Variants in DLG2 observed in about 807,000 individuals in gnomAD.
DLG2 encodes discs large MAGUK scaffold protein 2.
A neutral mutation model predicts 132.5 loss-of-function variants in DLG2; 45 were observed. The ratio of observed to expected loss-of-function variants is 0.34; its 90% CI spans 0.27 to 0.44. The LOEUF is 0.44. DLG2 is among the 20% of genes least tolerant of loss of function. The pLI, the probability that DLG2 is intolerant of heterozygous loss-of-function variation, is 1.00. For synonymous variants in DLG2, 424 were observed against 419.6 expected (o/e 1.01, Z -0.13); for missense variants, 1,045 against 1,196.9 (o/e 0.87, Z 1.87).
chr11:85,550,754 T>A (rs765847967), intron 3 of DLG2, among the ~76,000 whole-genome samples: 1 of 152,258 alleles, frequency 6.6e-6, no homozygotes, highest in African/African-American at 2.4e-5. Context: ...CTGCACTATA[T>A]GAGACTTTCT....
At chr11:84,617,181 G>T (rs1043307140) in intron 6 of DLG2, among the ~76,000 whole-genome samples, 1 of 147,574 alleles carries the variant, frequency 6.8e-6, no homozygotes, top group African/African-American at 2.5e-5. Context: ...TCCCCTCCCT[G>T]TGTCCATGTG....
chr11:84,042,948 T>C (rs2096131166), intron 11 of DLG2, among the ~76,000 whole-genome samples: 1 of 151,744 alleles, frequency 6.6e-6, no homozygotes, highest in African/African-American at 2.4e-5. Context: ...TTTAAAAGTG[T>C]ATTCTTAAGA....
intron 4 of DLG2, among the ~76,000 whole-genome samples, chr11:85,229,144 G>T (rs118120658): frequency 0.028 from 4,212 of 150,952 alleles, 88 homozygotes; most frequent in Non-Finnish European, 0.041. Context: ...TTCTGCTTTT[G>T]TTTTCATATG....
Position 83,958,571 on chromosome 11 carries a change from C to A in DLG2, c.1340+4314G>T, listed in dbSNP as rs1022020612. Among the ~76,000 whole-genome samples the A allele has an allele frequency of 2.0e-4, 31 of 152,050 alleles. 1 individual carries two copies. Among genetic ancestry groups the A allele is most frequent in the African/African-American group, 7.2e-4 (30 of 41,404 alleles). On this transcript the variant is annotated intron_variant, in intron 14 of 27. Transcript: ENST00000376104. ...ACATTCATAACTTGGGAAATTAGGTCCCTACATCTTGAAAGAGTAGTTTTA... is the reference window on the plus strand; with the variant it reads ...ACATTCATAACTTGGGAAATTAGGTACCTACATCTTGAAAGAGTAGTTTTA...
chr11:84,107,009 T>TAAA (rs1566528943), intron 9 of DLG2, among the ~76,000 whole-genome samples: 1 of 29,112 alleles, frequency 3.4e-5, no homozygotes, highest in African/African-American at 7.8e-5. Context: ...TGTGTGTGTG[T>TAAA]GTGTGAGAGA....
intron 15 of DLG2, among the ~76,000 whole-genome samples, chr11:83,912,757 C>G (rs933348789): frequency 1.3e-5 from 2 of 152,076 alleles, no homozygotes; most frequent in Admixed American, 1.3e-4. Flanking sequence ...TTCTTCTTTT[C>G]TTTCTTTTTG....
chr11:83,498,944 T>G (rs2094303814), intron 21 of DLG2, among the ~76,000 whole-genome samples: 1 of 152,002 alleles, frequency 6.6e-6, no homozygotes, highest in Non-Finnish European at 1.5e-5. Context: ...GCCAGTAAAT[T>G]AGCTAACTTA....
At chr11:84,246,210 AT>A in intron 8 of DLG2, among the ~76,000 whole-genome samples, 1 of 152,348 alleles carries the variant, frequency 6.6e-6, no homozygotes, top group Non-Finnish European at 1.5e-5. Flanking sequence ...TAAATGGAGA[AT>A]TCCAGAAATA....
chr11:83,838,592 C>T (rs1247421477), intron 16 of DLG2, among the ~76,000 whole-genome samples: 1 of 152,048 alleles, frequency 6.6e-6, no homozygotes, highest in Non-Finnish European at 1.5e-5. Flanking sequence ...AATTAGCTGC[C>T]CAAGTTTAAA....
intron 3 of DLG2, among the ~76,000 whole-genome samples, chr11:85,574,578 G>T (rs1039193010): frequency 6.6e-6 from 1 of 152,154 alleles, no homozygotes; most frequent in Admixed American, 6.6e-5. Context: ...GGGAGGTAGG[G>T]CCTAGTGGAA....
chr11:84,080,229 G>C (rs547901353), intron 10 of DLG2, among the ~76,000 whole-genome samples: 14 of 152,280 alleles, frequency 9.2e-5, no homozygotes, highest in Non-Finnish European at 1.8e-4. Flanking sequence ...AAAATATTCT[G>C]TGTCAGTTTA....
chr11:83,521,612 T>C (rs1053092771), intron 21 of DLG2, among the ~76,000 whole-genome samples: 3 of 152,188 alleles, frequency 2.0e-5, no homozygotes, highest in African/African-American at 7.2e-5. Context: ...TAATTTCCGG[T>C]CTGGACTCTG....
At chr11:84,047,563 A>G (rs2096266804) in intron 11 of DLG2, among the ~76,000 whole-genome samples, 1 of 151,596 alleles carries the variant, frequency 6.6e-6, no homozygotes, top group East Asian at 1.9e-4. Flanking sequence ...ACAGCTTTTC[A>G]CAGGGCTTGT....
intron 7 of DLG2, among the ~76,000 whole-genome samples, chr11:84,417,174 T>G (rs2154461739): frequency 6.6e-6 from 1 of 152,338 alleles, no homozygotes; most frequent in South Asian, 2.1e-4. Flanking sequence ...TATGCTGTGG[T>G]TTAGCGGAAA....
chr11:83,817,927 T>G (rs1016657626), intron 17 of DLG2, among the ~76,000 whole-genome samples: 18 of 152,188 alleles, frequency 1.2e-4, no homozygotes, highest in Non-Finnish European at 2.1e-4. Context: ...CTAACATACG[T>G]TTAGTCATAA....
intron 14 of DLG2, among the ~76,000 whole-genome samples, chr11:83,946,969 T>G (rs1591614602): frequency 6.6e-6 from 1 of 152,306 alleles, no homozygotes; most frequent in East Asian, 1.9e-4. Flanking sequence ...CTCTCAATAT[T>G]ATATGGATTT....
intron 8 of DLG2, among the ~76,000 whole-genome samples, chr11:84,212,980 G>A (rs913882563): frequency 8.5e-5 from 13 of 152,068 alleles, no homozygotes; most frequent in African/African-American, 3.1e-4. Context: ...TTATGAGACG[G>A]GGTAGGTAGA....
At chr11:83,671,320 G>A (rs1006337094) in intron 18 of DLG2, among the ~76,000 whole-genome samples, 1 of 152,210 alleles carries the variant, frequency 6.6e-6, no homozygotes, top group Admixed American at 6.5e-5. Flanking sequence ...AGAATTAGAT[G>A]AATGTAGGGG....
intron 8 of DLG2, among the ~76,000 whole-genome samples, chr11:84,225,351 T>C (rs952777834): frequency 6.6e-6 from 1 of 152,222 alleles, no homozygotes; most frequent in Admixed American, 6.5e-5. Context: ...TCAGCTTCAT[T>C]TGACAACTGA....
Sources: gnomAD v4.1 joint callset for allele counts (sites outside exome capture counted in the v4.1 genomes callset) on GRCh38, gnomAD v4.1.1 for gene constraint, MANE v1.5 for transcripts, NCBI Gene and HGNC (gene_info 2026-07-23, HGNC 2026-07-21) for gene names.